Variants in RALGAPA1 observed in about 807,000 individuals in gnomAD.
RALGAPA1 encodes the protein ral GTPase-activating protein subunit alpha-1.
RALGAPA1 carries 52 observed loss-of-function variants against 269.6 expected under a neutral mutation model. The ratio of observed to expected loss-of-function variants is 0.19; its 90% CI spans 0.15 to 0.24. The LOEUF is 0.24. Among genes scored for constraint, RALGAPA1 ranks in the 10% least tolerant of loss-of-function variants. The probability of loss-of-function intolerance (pLI) is 1.00; values close to 1 mark genes in which losing one functional copy is unlikely to be tolerated. For synonymous variants in RALGAPA1, 817 were observed against 1,008.3 expected (o/e 0.81, Z 3.60); for missense variants, 1,917 against 3,013.9 (o/e 0.64, Z 8.52).
chr14:35,654,353 G>A lies in RALGAPA1; in HGVS notation c.5607+14C>T, dbSNP rs1250444135. 4 of 1,570,636 alleles carry A rather than the reference G, an allele frequency of 2.5e-6. No individual in the cohort carries two copies. The highest frequency in any genetic ancestry group is 2.3e-4 in the Middle Eastern group (1 of 4,314). On this transcript the variant is annotated intron_variant, in intron 30 of 41. Coordinates refer to ENST00000680220, the MANE Select transcript of RALGAPA1 (RefSeq NM_001346249.2). ...TTTAACAAGGTCATAATAAATAAAT[G>A]AGAAATTACTTACTTGAATAATTTT... is the stretch of plus-strand genomic sequence containing the variant.
intron 31 of RALGAPA1, among the ~76,000 whole-genome samples, chr14:35,648,596 G>C (rs887936218): frequency 2.0e-5 from 3 of 151,704 alleles, no homozygotes; most frequent in Non-Finnish European, 4.4e-5. Context: ...GAAGTGACCA[G>C]CTCCTGACCA....
chr14:35,577,622 T>G (rs573387262), intron 37 of RALGAPA1, among the ~76,000 whole-genome samples: 3 of 152,302 alleles, frequency 2.0e-5, no homozygotes, highest in African/African-American at 7.2e-5. Flanking sequence ...ACTAAGACAT[T>G]CATCTTATGG....
rs374234217 is a variant in RALGAPA1, at chr14:35,689,885, A to G, written c.2526T>C (p.Ser842=). ...GTTCCAAGATGTCAGAAGTGCTGCT[A>G]CTTCGAGGCAATGGCTGCTCCTCAT... The part of the protein sequence containing the change: ...ALNEEQPLPR[S]SSTSDILEPF... The change falls in exon 18 of 42, where the codon AGT becomes AGC. Residue 842 remains serine, a synonymous_variant. Transcript: ENST00000680220. 7.5e-6 allele frequency: 12 copies of G among 1,604,904 alleles called. No individual in the cohort carries two copies. The highest frequency in any genetic ancestry group is 8.5e-6 in the Non-Finnish European group (10 of 1,176,844).
chr14:35,779,514 C>T (rs2075289766), intron 1 of RALGAPA1, among the ~76,000 whole-genome samples: 1 of 150,792 alleles, frequency 6.6e-6, no homozygotes, highest in African/African-American at 2.4e-5. Context: ...GGCAACAAAG[C>T]GAGACCTTGT....
At chr14:35,555,364 T>C (rs2055503265) in intron 39 of RALGAPA1, among the ~76,000 whole-genome samples, 1 of 152,194 alleles carries the variant, frequency 6.6e-6, no homozygotes, top group East Asian at 1.9e-4. Flanking sequence ...GTCAAACTAA[T>C]TCTATTTGCT....
chr14:35,750,372 A>G (rs1015882041), intron 9 of RALGAPA1, 110 bp downstream of exon 9: 8 of 587,990 alleles, frequency 1.4e-5, no homozygotes, highest in Non-Finnish European at 1.7e-5. Flanking sequence ...TATACAAATA[A>G]AATAGCACTA....
intron 31 of RALGAPA1, among the ~76,000 whole-genome samples, chr14:35,646,883 G>T (rs4982299): frequency 0.12 from 18,370 of 152,046 alleles, 1,176 homozygotes; most frequent in South Asian, 0.14. Flanking sequence ...AAGCAAATGT[G>T]GTGAACCAAT....
At chr14:35,711,517 C>T (rs976583378) in intron 16 of RALGAPA1, among the ~76,000 whole-genome samples, 4 of 152,226 alleles carry the variant, frequency 2.6e-5, no homozygotes, top group African/African-American at 7.2e-5. Flanking sequence ...GCATAATCTC[C>T]GCTCACTGCA....
Position 35,688,900 on chromosome 14 carries a change from C to T in RALGAPA1, c.3511G>A (p.Glu1171Lys), listed in dbSNP as rs2066225261. ...VQFYNPLENK[E>K]APWKMRLRKL... ...CGCAGTCTCATCTTCCATGGAGCCTCTTTGTTTTCCAGAGGATTATAAAAC... is the reference window on the plus strand; with the variant it reads ...CGCAGTCTCATCTTCCATGGAGCCTTTTTGTTTTCCAGAGGATTATAAAAC... The change falls in exon 18 of 42, where the codon GAG (glutamate) becomes AAG (lysine). Residue 1171 changes from glutamate (E) to lysine (K), a missense_variant. Physicochemically the swap from Glu to Lys is moderately conservative, Grantham distance 56. This residue lies in a region of RALGAPA1 where 615 missense variants were observed against 790.0 expected (regional missense o/e 0.78). Transcript: ENST00000680220. 7.9e-7 allele frequency: 1 copy of T among 1,263,278 alleles called. No individual in the cohort carries two copies. The highest frequency in any genetic ancestry group is 1.5e-5 in the African/African-American group (1 of 65,750). The allele number at this position is 1,263,278 out of a possible 1,614,324, so 78.3% of individuals were successfully genotyped here.
At chr14:35,609,831 G>C (rs974579253) in intron 35 of RALGAPA1, among the ~76,000 whole-genome samples, 1 of 151,204 alleles carries the variant, frequency 6.6e-6, no homozygotes, top group Non-Finnish European at 1.5e-5. Context: ...GGGAGGCTAA[G>C]ATGGGAGGAT....
chr14:35,734,760 G>C (rs1436413627), intron 12 of RALGAPA1, among the ~76,000 whole-genome samples: 1 of 151,970 alleles, frequency 6.6e-6, no homozygotes, highest in Non-Finnish European at 1.5e-5. Context: ...AGAGTAAAGA[G>C]AAAACCCACA....
rs1441639922 is a variant in RALGAPA1, at chr14:35,766,921, ACT to A, written c.325+4019_325+4020del. The A allele has an allele frequency of 1.2e-5, 5 of 406,008 alleles. No homozygotes were observed. In the Admixed American group the frequency reaches 1.3e-4, roughly 11 times the overall value. 25.2% of individuals were successfully genotyped at this position (406,008 alleles called of 1,614,324 possible). A position where few individuals can be genotyped will look rare whatever the true frequency, so the allele number is the denominator to read the frequency against. On this transcript the variant is annotated intron_variant, in intron 4 of 41. Coordinates refer to ENST00000680220, the MANE Select transcript of RALGAPA1 (RefSeq NM_001346249.2). ...TGTCAGCAGTGAGTAACCCTGTTGC[ACT>A]CTCAAACCAAGCGTTGCCCACAGGG...
intron 3 of RALGAPA1, 144 bp from the exon 4 acceptor site, chr14:35,771,143 T>C (rs961138081): frequency 2.0e-5 from 7 of 351,324 alleles, no homozygotes; most frequent in Admixed American, 1.5e-4. Flanking sequence ...CCTGTAATCC[T>C]AGCGCTTTGG....
chr14:35,643,438 T>TG (rs2062167565), intron 31 of RALGAPA1, among the ~76,000 whole-genome samples: 1 of 152,204 alleles, frequency 6.6e-6, no homozygotes, highest in Admixed American at 6.5e-5. Flanking sequence ...TTGGTGGGAA[T>TG]TTATGTTAGT....
chr14:35,801,937 T>C (rs1595609792), intron 1 of RALGAPA1, among the ~76,000 whole-genome samples: 1 of 152,146 alleles, frequency 6.6e-6, no homozygotes, highest in East Asian at 1.9e-4. Context: ...ATAAAGGGCA[T>C]CCAGATTAGA....
rs376165331 is a variant in RALGAPA1, at chr14:35,743,791, C to T, written c.1252-1226G>A. Among the ~76,000 whole-genome samples, 13 of 152,080 alleles carry T rather than the reference C, an allele frequency of 8.5e-5. No homozygotes were observed. The East Asian group carries it at 2.1e-3, about 25-fold the overall frequency. Reference sequence around the variant, plus strand: ...AAGCATACAAAGAAAAAAATTAAGGCTTGCATATTTCATTTTATGTATAAT... The same window carrying T: ...AAGCATACAAAGAAAAAAATTAAGGTTTGCATATTTCATTTTATGTATAAT... On this transcript the variant is annotated intron_variant, in intron 10 of 41. Transcript: ENST00000680220.
chr14:35,642,725 T>C (rs896704703), intron 31 of RALGAPA1, among the ~76,000 whole-genome samples: 2 of 152,106 alleles, frequency 1.3e-5, no homozygotes, highest in African/African-American at 4.8e-5. Context: ...AGGAACACTT[T>C]TACATGGTTG....
intron 31 of RALGAPA1, among the ~76,000 whole-genome samples, chr14:35,636,025 T>C (rs1002250202): frequency 1.2e-4 from 18 of 152,194 alleles, no homozygotes; most frequent in Admixed American, 4.6e-4. Context: ...TTAAGTACTT[T>C]TTGAAATTGT....
chr14:35,776,456 G>A (rs535141183), intron 1 of RALGAPA1, among the ~76,000 whole-genome samples: 9 of 151,574 alleles, frequency 5.9e-5, no homozygotes, highest in Admixed American at 3.9e-4. Flanking sequence ...CTAACAATAG[G>A]CTTTGTAAAT....
Sources: gnomAD v4.1 joint callset for allele counts (sites outside exome capture counted in the v4.1 genomes callset) on GRCh38, gnomAD v4.1.1 for gene constraint, gnomAD v4.1.1 regional missense constraint, MANE v1.5 for transcripts, NCBI Gene and HGNC (gene_info 2026-07-23, HGNC 2026-07-21) for gene names.